The following CELF4 variants were observed in gnomAD, a reference collection of about 807,000 sequenced individuals.
CELF4 encodes the protein CUGBP Elav-like family member 4, also known as CUG-BP- and ETR-3-like factor 4.
A neutral mutation model predicts 59.9 loss-of-function variants in CELF4; 18 were observed. That is an observed-to-expected ratio of 0.30 (90% CI 0.21 to 0.45). CELF4 has a LOEUF of 0.45. CELF4 is among the 20% of genes least tolerant of loss of function. CELF4 has a pLI of 1.00. For missense variants in CELF4, 456 were observed against 689.0 expected (o/e 0.66, Z 3.79); for synonymous variants, 261 against 267.1 (o/e 0.98, Z 0.22).
At chr18:37,565,304 C>T (rs988452959) in intron 1 of CELF4, 52 bp downstream of exon 1, 4 of 1,459,892 alleles carry the variant, frequency 2.7e-6, no homozygotes, top group Admixed American at 2.5e-5. Flanking sequence ...CCGGTCGGCC[C>T]GCCAGCCCGC....
At chr18:37,328,102 G>C (rs553589342) in intron 2 of CELF4, among the ~76,000 whole-genome samples, 2 of 152,180 alleles carry the variant, frequency 1.3e-5, no homozygotes, top group Non-Finnish European at 2.9e-5. Context: ...CAAGAGTGGA[G>C]ATCAGGGCCC....
intron 2 of CELF4, among the ~76,000 whole-genome samples, chr18:37,389,765 G>A (rs1237636172): frequency 1.3e-5 from 2 of 152,172 alleles, no homozygotes; most frequent in South Asian, 4.1e-4. Flanking sequence ...GAAATTTATA[G>A]ACACAGCCTC....
At chr18:37,249,944 T>C (rs1436875592) in intron 12 of CELF4, among the ~76,000 whole-genome samples, 2 of 152,062 alleles carry the variant, frequency 1.3e-5, no homozygotes. Context: ...AAAAGCATAC[T>C]CAGAGCCAGA....
At chr18:37,295,821 C>T (rs573203164) in intron 3 of CELF4, among the ~76,000 whole-genome samples, 2 of 152,300 alleles carry the variant, frequency 1.3e-5, no homozygotes, top group South Asian at 2.1e-4. Context: ...CCAGCATTGG[C>T]GGCGAGAGGA....
At chr18:37,348,912 T>TG (rs933621698) in intron 2 of CELF4, among the ~76,000 whole-genome samples, 5 of 152,184 alleles carry the variant, frequency 3.3e-5, no homozygotes, top group East Asian at 1.9e-4. Context: ...GGAGCTGCAC[T>TG]GGGGGGTCTC....
chr18:37,491,198 CTGAGAGGGA>C (rs2099903430), intron 1 of CELF4, among the ~76,000 whole-genome samples: 3 of 119,660 alleles, frequency 2.5e-5, no homozygotes, highest in African/African-American at 7.6e-5. Flanking sequence ...CTCTCCTCAC[CTGAGAGGGA>C]CGCCGTGCCC....
intron 1 of CELF4, among the ~76,000 whole-genome samples, chr18:37,487,973 C>T (rs1021879464): frequency 9.9e-5 from 15 of 152,102 alleles, no homozygotes; most frequent in African/African-American, 3.6e-4. Context: ...CCGTCTCCAC[C>T]CCCTGAATTT....
At chr18:37,414,986 C>G (rs545089275) in intron 2 of CELF4, among the ~76,000 whole-genome samples, 1 of 152,348 alleles carries the variant, frequency 6.6e-6, no homozygotes, top group African/African-American at 2.4e-5. Context: ...ATGTAGAAGA[C>G]AACTTCCATT....
At chr18:37,327,320 C>T (rs948473740) in intron 2 of CELF4, among the ~76,000 whole-genome samples, 1 of 152,176 alleles carries the variant, frequency 6.6e-6, no homozygotes, top group African/African-American at 2.4e-5. Context: ...TGATTCACCC[C>T]ACCAGTTCCT....
At chr18:37,492,669 G>A (rs1019126434) in intron 1 of CELF4, among the ~76,000 whole-genome samples, 3 of 151,930 alleles carry the variant, frequency 2.0e-5, no homozygotes, top group East Asian at 3.9e-4. Context: ...CTCCCACTTC[G>A]AGTACCCGGC....
intron 8 of CELF4, among the ~76,000 whole-genome samples, chr18:37,267,903 G>T (rs985184539): frequency 6.6e-6 from 1 of 152,156 alleles, no homozygotes; most frequent in African/African-American, 2.4e-5. Flanking sequence ...TGGGCATGGT[G>T]GTGGGCACCT....
chr18:37,397,750 T>C (rs1345605858), intron 2 of CELF4, among the ~76,000 whole-genome samples: 2 of 152,136 alleles, frequency 1.3e-5, no homozygotes, highest in Admixed American at 1.3e-4. Flanking sequence ...GTGAGGTGGG[T>C]ATGTTGGCTT....
At chr18:37,348,850 G>A (rs2098366018) in intron 2 of CELF4, among the ~76,000 whole-genome samples, 1 of 152,112 alleles carries the variant, frequency 6.6e-6, no homozygotes, top group South Asian at 2.1e-4. Flanking sequence ...GAGGGGAGAG[G>A]AAGAAGCAGT....
Position 37,486,407 on chromosome 18 carries a change from C to T in CELF4, c.287-800G>A, listed in dbSNP as rs962131641. On this transcript the variant is annotated intron_variant, in intron 1 of 12. Transcript: ENST00000420428. ...CTAACTGGGCCACACCCCACCTCCTCGCCAGGGAATCCGGATTTGACAGAA... is the reference window on the plus strand; with the variant it reads ...CTAACTGGGCCACACCCCACCTCCTTGCCAGGGAATCCGGATTTGACAGAA... Among the ~76,000 whole-genome samples the T allele has an allele frequency of 6.6e-5, 10 of 152,216 alleles. No homozygotes were observed. In the East Asian group the frequency reaches 1.9e-3, roughly 29 times the overall value.
intron 2 of CELF4, among the ~76,000 whole-genome samples, chr18:37,359,169 C>T (rs975779647): frequency 1.1e-4 from 17 of 152,100 alleles, no homozygotes; most frequent in Admixed American, 5.2e-4. Context: ...ATGTGAAGGG[C>T]GACAAGGGAG....
intron 2 of CELF4, among the ~76,000 whole-genome samples, chr18:37,461,211 G>A: frequency 6.6e-6 from 1 of 152,198 alleles, no homozygotes; most frequent in Admixed American, 6.5e-5. Flanking sequence ...CCAGGGTGGA[G>A]GCAGGGCTTG....
chr18:37,348,918 G>C (rs976641830), intron 2 of CELF4, among the ~76,000 whole-genome samples: 1 of 152,134 alleles, frequency 6.6e-6, no homozygotes, highest in Non-Finnish European at 1.5e-5. Flanking sequence ...GCACTGGGGG[G>C]TCTCTCTCCC....
At chr18:37,248,797 T>A (rs1255245181) in intron 12 of CELF4, among the ~76,000 whole-genome samples, 1 of 152,090 alleles carries the variant, frequency 6.6e-6, no homozygotes, top group Admixed American at 6.5e-5. Flanking sequence ...GCTCCACCCC[T>A]CCCCATAGTT....
At chr18:37,272,870 A>T (rs776355215) in intron 7 of CELF4, 146 bp downstream of exon 7, 8 of 751,254 alleles carry the variant, frequency 1.1e-5, no homozygotes, top group Admixed American at 2.9e-5. Flanking sequence ...TTTTTGAGAC[A>T]AACTGCCAGA....
Sources: gnomAD v4.1 joint callset for allele counts (sites outside exome capture counted in the v4.1 genomes callset) on GRCh38, gnomAD v4.1.1 for gene constraint, MANE v1.5 for transcripts, NCBI Gene and HGNC (gene_info 2026-07-23, HGNC 2026-07-21) for gene names.